SPON1: variants seen among roughly 807,000 people sequenced by gnomAD.
The protein encoded by SPON1 is spondin-1.
A neutral mutation model predicts 111.7 loss-of-function variants in SPON1; 52 were observed. The observed-to-expected ratio is 0.47, with a 90% CI of 0.37 to 0.59. The LOEUF is 0.59. Ranked by LOEUF, SPON1 falls within the 20% of genes least tolerant of loss-of-function variation. SPON1 has a pLI of 0.00. For missense variants in SPON1, 957 were observed against 1,068.5 expected, an observed-to-expected ratio of 0.90 and a Z score of 1.46; for synonymous variants, 410 against 395.8, an observed-to-expected ratio of 1.04 and a Z score of -0.43.
chr11:14,100,439 C>T (rs1051192817), intron 5 of SPON1, among the ~76,000 whole-genome samples: 1 of 151,830 alleles, frequency 6.6e-6, no homozygotes, highest in Admixed American at 6.6e-5. Flanking sequence ...TTTTCTTCTG[C>T]TGGATTAAAA....
chr11:14,052,540 A>G (rs1410967644), intron 3 of SPON1, among the ~76,000 whole-genome samples: 2 of 152,254 alleles, frequency 1.3e-5, no homozygotes, highest in African/African-American at 2.4e-5. Flanking sequence ...CAAGGAGTCA[A>G]CAGAAAAGGG....
At position 14,069,157 on chromosome 11, in the gene SPON1, A is replaced by T. The variant is rs539498704; in HGVS notation, c.480-6188A>T. ...AGCATTACTATGTCTCCCTCTAGTC[A>T]TTGGTGTTCGTACCTAGGAGTCAGT... is the stretch of plus-strand genomic sequence containing the variant. On this transcript the variant is annotated intron_variant, in intron 3 of 15. Transcript: ENST00000576479. Among the ~76,000 whole-genome samples the T allele has an allele frequency of 3.3e-5, 5 of 152,086 alleles. No individual in the cohort carries two copies. In the South Asian group the frequency reaches 1.0e-3, roughly 32 times the overall value.
At chr11:14,102,230 T>A (rs369994366) in intron 5 of SPON1, among the ~76,000 whole-genome samples, 1 of 152,186 alleles carries the variant, frequency 6.6e-6, no homozygotes, top group East Asian at 1.9e-4. Context: ...CTGTATCATA[T>A]CACTATAATG....
intron 6 of SPON1, among the ~76,000 whole-genome samples, chr11:14,171,291 T>G (rs180879052): frequency 6.6e-6 from 1 of 152,332 alleles, no homozygotes; most frequent in East Asian, 1.9e-4. Flanking sequence ...TAGAGGTGTT[T>G]ATAGTATTCT....
At chr11:14,139,090 C>T (rs536429275) in intron 6 of SPON1, among the ~76,000 whole-genome samples, 20 of 152,244 alleles carry the variant, frequency 1.3e-4, no homozygotes, top group South Asian at 8.3e-4. Context: ...AGATAAAGTC[C>T]AAATTCCTTA....
At chr11:14,208,644 G>A (rs1554936409) in intron 6 of SPON1, among the ~76,000 whole-genome samples, 2 of 152,004 alleles carry the variant, frequency 1.3e-5, no homozygotes, top group African/African-American at 4.8e-5. Flanking sequence ...TAAAAAGTAT[G>A]CATTTAACTC....
In SPON1 at chr11:14,241,769, TAGG is replaced by T. The variant is rs1848929598; in HGVS notation, c.826-1559_826-1557del. 3.9e-5 allele frequency among the ~76,000 whole-genome samples: 6 copies of T among 152,132 alleles called. No homozygotes were observed. In the South Asian group the frequency reaches 8.3e-4, roughly 21 times the overall value. ...TCTCGGTCATTCAACAGATATTTCT[TAGG>T]AGGGAAGAAGGGATACACTGTAAAC... On this transcript the variant is annotated intron_variant, in intron 6 of 15. Coordinates refer to ENST00000576479, the MANE Select transcript of SPON1 (RefSeq NM_006108.4).
chr11:14,144,673 A>T lies in SPON1; in HGVS notation c.825+9105A>T, dbSNP rs7927529. ...ATAATAATAATAATAATAATAATGA[A>T]AAATAAAAAGTAAAAACCCAAAGAA... On this transcript the variant is annotated intron_variant, in intron 6 of 15. Coordinates refer to ENST00000576479, the MANE Select transcript of SPON1 (RefSeq NM_006108.4). Among the ~76,000 whole-genome samples, 330 of 124,970 alleles carry T rather than the reference A, an allele frequency of 2.6e-3. 1 individual carries two copies. The highest frequency in any genetic ancestry group is 8.8e-3 in the African/African-American group (291 of 32,966). 82.0% of individuals were successfully genotyped at this position (124,970 alleles called of 152,430 possible).
chr11:14,194,257 C>G (rs1848377381), intron 6 of SPON1, among the ~76,000 whole-genome samples: 1 of 152,176 alleles, frequency 6.6e-6, no homozygotes, highest in African/African-American at 2.4e-5. Context: ...TTGACAAAAG[C>G]TCTAGATTCC....
intron 6 of SPON1, among the ~76,000 whole-genome samples, chr11:14,215,620 C>T (rs1490604212): frequency 1.3e-5 from 2 of 152,132 alleles, no homozygotes; most frequent in African/African-American, 2.4e-5. Context: ...CACAAAGCCC[C>T]CCACATTCAA....
At chr11:14,180,160 C>T (rs56999174) in intron 6 of SPON1, among the ~76,000 whole-genome samples, 7,142 of 152,254 alleles carry the variant, frequency 0.047, 529 homozygotes, top group African/African-American at 0.16. Context: ...GGATGTGAGA[C>T]TTTTCAGTTT....
intron 6 of SPON1, among the ~76,000 whole-genome samples, chr11:14,147,786 AG>A (rs1564915631): frequency 1.5e-5 from 2 of 130,974 alleles, no homozygotes. Context: ...CGCTAAACAA[AG>A]GGCTAATTTT....
chr11:14,267,400 G>A lies in SPON1; in HGVS notation c.*1713G>A, dbSNP rs1270161247. ...AATGAATTGCTTTCTCCCAAAAAAAGCACAATATAAAGAAACACAAGATTT... is the reference window on the plus strand; with the variant it reads ...AATGAATTGCTTTCTCCCAAAAAAAACACAATATAAAGAAACACAAGATTT... On this transcript the variant is annotated 3_prime_UTR_variant, in exon 16 of 16. Transcript: ENST00000576479. 2 of 152,052 alleles carry A rather than the reference G, an allele frequency of 1.3e-5. No individual in the cohort carries two copies. Among genetic ancestry groups the A allele is most frequent in the Non-Finnish European group, 2.9e-5 (2 of 68,014 alleles). 9.4% of individuals were successfully genotyped at this position (152,052 alleles called of 1,614,324 possible).
chr11:14,169,771 G>A (rs1267106671), intron 6 of SPON1, among the ~76,000 whole-genome samples: 2 of 152,140 alleles, frequency 1.3e-5, no homozygotes, highest in African/African-American at 2.4e-5. Flanking sequence ...CCCATTGCTT[G>A]TTTTTGTCAG....
chr11:14,265,143 A>G (rs1192001200), intron 15 of SPON1, among the ~76,000 whole-genome samples: 1 of 152,110 alleles, frequency 6.6e-6, no homozygotes, highest in African/African-American at 2.4e-5. Flanking sequence ...GCCTCATGAG[A>G]TGGCTGGGGC....
chr11:13,963,029 G>A lies in SPON1; in HGVS notation c.125G>A (p.Gly42Asp), dbSNP rs1554907668. ...ETLDKVPKSE[G>D]YCSRILRAQG... ...CTGGACAAAGTGCCCAAGTCAGAGGGCTACTGCAGCCGTATCCTGCGCGCC... is the reference window on the plus strand; with the variant it reads ...CTGGACAAAGTGCCCAAGTCAGAGGACTACTGCAGCCGTATCCTGCGCGCC... The change falls in exon 1 of 16, where the codon GGC becomes GAC. Residue 42 changes from glycine to aspartate, a missense_variant. Around this residue, in one of 5 missense-constraint regions of SPON1, gnomAD observed 262 missense variants for 253.9 expected, o/e 1.03. Coordinates refer to ENST00000576479, the MANE Select transcript of SPON1 (RefSeq NM_006108.4). 7.6e-6 allele frequency: 12 copies of A among 1,588,992 alleles called. No individual in the cohort carries two copies. The highest frequency in any genetic ancestry group is 1.4e-5 in the African/African-American group (1 of 73,858).
intron 5 of SPON1, among the ~76,000 whole-genome samples, chr11:14,091,388 G>A (rs1262558947): frequency 6.6e-6 from 1 of 152,228 alleles, no homozygotes; most frequent in Non-Finnish European, 1.5e-5. Context: ...GGTGGTGCTC[G>A]TTGGGGAGGC....
At chr11:14,055,487 A>G (rs376243004) in intron 3 of SPON1, among the ~76,000 whole-genome samples, 3 of 152,332 alleles carry the variant, frequency 2.0e-5, no homozygotes, top group Admixed American at 6.5e-5. Context: ...TTATTTGTAG[A>G]TTATGAGATC....
chr11:14,265,643 A>G lies in SPON1; in HGVS notation c.2380A>G (p.Lys794Glu), dbSNP rs782490279. ...CAAAAGCTCCCAGTTTACCAGCTGCAAAGACAAGAAGGAGATCAGAGCATG... is the reference window on the plus strand; with the variant it reads ...CAAAAGCTCCCAGTTTACCAGCTGCGAAGACAAGAAGGAGATCAGAGCATG... ...RFKSSQFTSC[K>E]DKKEIRACNV... The change falls in exon 16 of 16, where the codon AAA becomes GAA. Residue 794 changes from lysine (K) to glutamate (E), a missense_variant. Physicochemically the swap from Lys to Glu is moderately conservative, Grantham distance 56. Around this residue, in one of 5 missense-constraint regions of SPON1, gnomAD observed 549 missense variants for 606.2 expected, o/e 0.91. Transcript: ENST00000576479. The G allele has an allele frequency of 1.9e-6, 3 of 1,613,690 alleles. No homozygotes were observed. The East Asian group carries it at 6.7e-5, about 36-fold the overall frequency.
Sources: gnomAD v4.1 joint callset for allele counts (sites outside exome capture counted in the v4.1 genomes callset) on GRCh38, gnomAD v4.1.1 for gene constraint, gnomAD v4.1.1 regional missense constraint, MANE v1.5 for transcripts, NCBI Gene and HGNC (gene_info 2026-07-23, HGNC 2026-07-21) for gene names.